TP73: variants seen among roughly 807,000 people sequenced by gnomAD.
TP73 encodes tumor protein p73, also known as p53-like transcription factor.
A neutral mutation model predicts 62.5 loss-of-function variants in TP73; 25 were observed. The ratio of observed to expected loss-of-function variants is 0.40; its 90% confidence interval spans 0.29 to 0.56. The LOEUF is 0.56. Ranked by LOEUF, TP73 falls within the 20% of genes least tolerant of loss-of-function variation. The probability of loss-of-function intolerance (pLI) is 0.46; values close to 1 mark genes in which losing one functional copy is unlikely to be tolerated. For missense variants in TP73, 754 were observed against 913.3 expected (o/e 0.83, Z 2.25); for synonymous variants, 423 against 377.5 (o/e 1.12, Z -1.40).
At chr1:3,716,090 G>A (rs1238583913) in intron 4 of TP73, among the ~76,000 whole-genome samples, 1 of 152,204 alleles carries the variant, frequency 6.6e-6, no homozygotes, top group Non-Finnish European at 1.5e-5. Flanking sequence ...CTTGCCCCTG[G>A]CCTGCCCTCC....
intron 4 of TP73, among the ~76,000 whole-genome samples, chr1:3,713,855 G>A (rs1640366744): frequency 6.6e-6 from 1 of 152,232 alleles, no homozygotes; most frequent in Non-Finnish European, 1.5e-5. Context: ...TGGGGCTGCA[G>A]AGGCCGTGAG....
At chr1:3,728,288 G>T (rs999397434) in intron 9 of TP73, 71 bp downstream of exon 9, 6 of 1,513,768 alleles carry the variant, frequency 4.0e-6, no homozygotes, top group Non-Finnish European at 5.4e-6. Context: ...CCCAGGCTGG[G>T]CCATGGGGAG....
At chr1:3,681,195 C>G (rs1341225984) in intron 1 of TP73, among the ~76,000 whole-genome samples, 1 of 152,222 alleles carries the variant, frequency 6.6e-6, no homozygotes, top group Non-Finnish European at 1.5e-5. Flanking sequence ...CGACAGGTTC[C>G]AGGCCATGGC....
At chr1:3,712,317 G>C (rs957344477) in intron 4 of TP73, 5 of 152,234 alleles carry the variant, frequency 3.3e-5, no homozygotes, top group Non-Finnish European at 5.9e-5. Flanking sequence ...TCTGCAGCAG[G>C]GACGGAGCTT....
Position 3,701,522 on chromosome 1 carries a change from C to T in TP73, c.187-6027C>T, listed in dbSNP as rs908339762. ...CGTTGATTTCTTTTTTGGTTTTTTT[C>T]GAGACAGAGTCTTGCTCTGTCACCC... On this transcript the variant is annotated intron_variant, in intron 3 of 13. Transcript: ENST00000378295. The surrounding 1 kb of genome is among the most constrained non-coding windows in gnomAD (Gnocchi z 4.7). Among the ~76,000 whole-genome samples the T allele has an allele frequency of 5.9e-5, 9 of 151,976 alleles. No homozygotes were observed. The highest frequency in any genetic ancestry group is 3.3e-4 in the Admixed American group (5 of 15,250).
In TP73 at chr1:3,672,483, A is replaced by T. The variant is rs1376992060; in HGVS notation, c.-33-9850A>T. 2.0e-5 allele frequency among the ~76,000 whole-genome samples: 3 copies of T among 152,072 alleles called. No homozygotes were observed. The highest frequency in any genetic ancestry group is 6.5e-5 in the Admixed American group (1 of 15,268). On this transcript the variant is annotated intron_variant, in intron 1 of 13. Transcript: ENST00000378295. This position sits in a 1 kb window ranked among gnomAD's most constrained non-coding sequence, Gnocchi z 5.3. ...CTCCAGCGAAGGCGGCTGCGGCCCCATCAGTCACCTGCCCTGCTGAGGGCA... is the reference window on the plus strand; with the variant it reads ...CTCCAGCGAAGGCGGCTGCGGCCCCTTCAGTCACCTGCCCTGCTGAGGGCA...
intron 1 of TP73, among the ~76,000 whole-genome samples, 167 bp from the exon 2 acceptor site, chr1:3,682,166 G>A (rs1027473919): frequency 6.6e-6 from 1 of 152,222 alleles, no homozygotes; most frequent in Non-Finnish European, 1.5e-5. Context: ...CGGGGAACAG[G>A]GTGGACGAAA....
In TP73 at chr1:3,691,873, C is replaced by T. The variant is rs555664798; in HGVS notation, c.186+8693C>T. On this transcript the variant is annotated intron_variant, in intron 3 of 13. Transcript: ENST00000378295. ...ATGTAGAGGCCCAAAGATCTGGGGA[C>T]GGAGGCCTTTGGAGCCGTGGGCTCC... Among the ~76,000 whole-genome samples the T allele has an allele frequency of 1.8e-4, 28 of 152,294 alleles. 1 individual carries two copies. In the South Asian group the frequency reaches 4.4e-3, roughly 24 times the overall value.
chr1:3,695,823 C>A (rs1490890926), intron 3 of TP73, among the ~76,000 whole-genome samples: 1 of 152,246 alleles, frequency 6.6e-6, no homozygotes, highest in Non-Finnish European at 1.5e-5. Context: ...AGGCCAGGAG[C>A]CGCCTGCAGG....
chr1:3,657,934 C>T (rs897727997), intron 1 of TP73, among the ~76,000 whole-genome samples: 21 of 152,172 alleles, frequency 1.4e-4, no homozygotes, highest in African/African-American at 5.1e-4. Context: ...GAAGCCCCAC[C>T]GGGAGAGGCG....
chr1:3,729,508 G>T, intron 10 of TP73, 60 bp downstream of exon 10: 1 of 1,608,022 alleles, frequency 6.2e-7, no homozygotes. Flanking sequence ...AACCCCCCAG[G>T]AGAAGGCCAG....
rs1352294563 is a variant in TP73, at chr1:3,722,118, G to A, written c.527G>A (p.Arg176Gln). The A allele has an allele frequency of 5.0e-6, 8 of 1,612,756 alleles. No homozygotes were observed. The highest frequency in any genetic ancestry group is 1.7e-5 in the Admixed American group (1 of 59,978). ...STPPPPGTAIRAMPVYKKAEH... is the reference protein window; with the variant it reads ...STPPPPGTAIQAMPVYKKAEH... The stretch of plus-strand genomic sequence containing the variant: ...CCGCCACCCCCAGGCACCGCCATCC[G>A]GGCCATGCCTGTTTACAAGAAAGCG... The change falls in exon 5 of 14, where the codon CGG becomes CAG. Residue 176 changes from arginine to glutamine, a missense_variant. Transcript: ENST00000378295.
In TP73 at chr1:3,727,786, G is replaced by A. The variant is rs749245538; in HGVS notation, c.985+16G>A. On this transcript the variant is annotated intron_variant, in intron 8 of 13. Transcript: ENST00000378295. Reference sequence around the variant, plus strand: ...AGCAAGCGTGGTGAGCGGCCGGCCAGGGGAACTGGACGCGTGTGGGAGGAG... The same window carrying A: ...AGCAAGCGTGGTGAGCGGCCGGCCAAGGGAACTGGACGCGTGTGGGAGGAG... 9.9e-6 allele frequency: 15 copies of A among 1,516,464 alleles called. No homozygotes were observed. The highest frequency in any genetic ancestry group is 1.2e-5 in the Non-Finnish European group (14 of 1,130,950). 93.9% of individuals were successfully genotyped at this position (1,516,464 alleles called of 1,614,324 possible).
chr1:3,655,024 G>A (rs866019220), intron 1 of TP73, among the ~76,000 whole-genome samples: 3 of 152,204 alleles, frequency 2.0e-5, no homozygotes, highest in Non-Finnish European at 2.9e-5. Flanking sequence ...CTGAGATTCC[G>A]AGCACACCAA....
At chr1:3,660,195 A>G (rs1644960367) in intron 1 of TP73, among the ~76,000 whole-genome samples, 1 of 152,204 alleles carries the variant, frequency 6.6e-6, no homozygotes, top group Non-Finnish European at 1.5e-5. Flanking sequence ...TGCAATACCT[A>G]TAGATTTGGG....
intron 1 of TP73, among the ~76,000 whole-genome samples, chr1:3,657,036 T>C (rs189663946): frequency 2.0e-5 from 3 of 152,388 alleles, no homozygotes; most frequent in East Asian, 3.9e-4. Flanking sequence ...GGCTTACGAC[T>C]TAATGTATGA....
chr1:3,703,682 C>G (rs1570523256), intron 3 of TP73, among the ~76,000 whole-genome samples: 2 of 152,266 alleles, frequency 1.3e-5, no homozygotes, highest in African/African-American at 4.8e-5. Context: ...TTCTCCCAAA[C>G]AAGGGAGGCA....
rs1642258580 is a variant in TP73 at position 3,733,000 on chromosome 1, A to G, written c.1832A>G (p.Asp611Gly). 5.1e-6 allele frequency: 8 copies of G among 1,576,842 alleles called. No homozygotes were observed. The highest frequency in any genetic ancestry group is 6.9e-6 in the Non-Finnish European group (8 of 1,165,488). The change falls in exon 14 of 14, where the codon GAC becomes GGC. Residue 611 changes from aspartate to glycine, a missense_variant. By Grantham distance (94) the Asp-to-Gly change is moderately conservative. This residue lies in a region of TP73 where 458 missense variants were observed against 528.7 expected (regional missense o/e 0.87). Transcript: ENST00000378295. ...GGCGGCGGCCCTGACGAGTGGGCGG[A>G]CTTCGGCTTCGACCTGCCCGACTGC... is the stretch of plus-strand genomic sequence containing the variant. ...GPGGGPDEWA[D>G]FGFDLPDCKA...
intron 3 of TP73, among the ~76,000 whole-genome samples, chr1:3,703,674 C>G (rs917978594): frequency 1.3e-5 from 2 of 152,260 alleles, no homozygotes; most frequent in African/African-American, 4.8e-5. Flanking sequence ...CATCCTGCTT[C>G]TCCCAAACAA....
Sources: gnomAD v4.1 joint callset for allele counts (sites outside exome capture counted in the v4.1 genomes callset) on GRCh38, gnomAD v4.1.1 for gene constraint, gnomAD v4.1.1 regional missense constraint, Gnocchi (gnomAD v3.1) non-coding constraint, MANE v1.5 for transcripts, NCBI Gene and HGNC (gene_info 2026-07-23, HGNC 2026-07-21) for gene names.